Variants in PALM2AKAP2 observed in about 807,000 individuals in gnomAD.
PALM2AKAP2 encodes the protein PALM2 and AKAP2 fusion, also known as PALM2-AKAP2 fusion protein.
A neutral mutation model predicts 71.5 loss-of-function variants in PALM2AKAP2; 37 were observed. That is an observed-to-expected ratio of 0.52 (90% CI 0.40 to 0.68). The LOEUF is 0.68. PALM2AKAP2 is among the 30% of genes least tolerant of loss of function. The pLI is 0.00. For synonymous variants in PALM2AKAP2, 468 were observed against 478.8 expected (o/e 0.98, Z 0.29); for missense variants, 1,224 against 1,191.8 (o/e 1.03, Z -0.40).
In PALM2AKAP2 at chr9:109,843,518, A is replaced by AAT. The variant is rs372821901; in HGVS notation, c.46-23961_46-23960dup. Reference sequence around the variant, plus strand: ...GTATTACTTGTATTTATCATGTGTGAATATATATATATACACACATGGTAT... The same window carrying AAT: ...GTATTACTTGTATTTATCATGTGTGAATATATATATATATACACACATGGTAT... On this transcript the variant is annotated intron_variant, in intron 1 of 9. Transcript: ENST00000302798. 2.0e-3 allele frequency among the ~76,000 whole-genome samples: 306 copies of AAT among 151,620 alleles called. 3 individuals carry two copies. The highest frequency in any genetic ancestry group is 7.0e-3 in the African/African-American group (291 of 41,382).
At chr9:109,780,362 C>A, upstream of PALM2AKAP2, 1 of 1,578,796 alleles carries the variant, frequency 6.3e-7, no homozygotes, top group Non-Finnish European at 8.6e-7. Flanking sequence ...GGAGCGGATC[C>A]CCAGCCGTCC....
At chr9:109,772,052 G>C (rs540574047) in intron 1 of PALM2AKAP2, 1 of 152,476 alleles carries the variant, frequency 6.6e-6, no homozygotes, top group African/African-American at 2.4e-5. Flanking sequence ...GGGGAGGCCA[G>C]AGAGCTGCTG....
chr9:109,958,642 G>A (rs1323314618), intron 6 of PALM2AKAP2, among the ~76,000 whole-genome samples: 2 of 151,748 alleles, frequency 1.3e-5, no homozygotes, highest in African/African-American at 4.8e-5. Flanking sequence ...AGGAAGGAGG[G>A]ACAGAGAGAA....
chr9:109,878,652 T>C (rs1256461090), intron 2 of PALM2AKAP2, among the ~76,000 whole-genome samples: 1 of 149,608 alleles, frequency 6.7e-6, no homozygotes, highest in East Asian at 2.0e-4. Context: ...TGGAGCAGGG[T>C]GTCTACAGCA....
chr9:109,659,128 T>A (rs1173211385), intron 1 of PALM2AKAP2, among the ~76,000 whole-genome samples: 1 of 149,948 alleles, frequency 6.7e-6, no homozygotes, highest in East Asian at 1.9e-4. Context: ...ATGGTAAAAA[T>A]GCTATGTAAT....
intron 7 of PALM2AKAP2, among the ~76,000 whole-genome samples, chr9:110,036,008 C>A (rs1304358936): frequency 6.6e-6 from 1 of 151,940 alleles, no homozygotes; most frequent in African/African-American, 2.4e-5. Context: ...GTGGCGTGAT[C>A]TCAGCTCACT....
chr9:109,886,089 G>A (rs1318017308), intron 3 of PALM2AKAP2, among the ~76,000 whole-genome samples: 1 of 152,222 alleles, frequency 6.6e-6, no homozygotes, highest in Non-Finnish European at 1.5e-5. Context: ...GATTGGAATT[G>A]TTGAAAGCAA....
chr9:109,892,934 A>C (rs1343577488), intron 3 of PALM2AKAP2, among the ~76,000 whole-genome samples: 1 of 152,196 alleles, frequency 6.6e-6, no homozygotes, highest in African/African-American at 2.4e-5. Flanking sequence ...ACAATGTACA[A>C]TATATAAACA....
rs545448921 is a variant in PALM2AKAP2, at chr9:109,774,455, A to AT, written c.6-6028dup. Among the ~76,000 whole-genome samples the AT allele has an allele frequency of 9.9e-5, 15 of 152,276 alleles. No homozygotes were observed. In the East Asian group the frequency reaches 2.9e-3, roughly 29 times the overall value. ...TAGGATTTAATCTATCTCCTCTTAAATTTTTAAATTCCTTCTTATTTATAA... is the reference window on the plus strand; with the variant it reads ...TAGGATTTAATCTATCTCCTCTTAAATTTTTTAAATTCCTTCTTATTTATAA... On this transcript the variant is annotated intron_variant, in intron 1 of 6. Transcript: ENST00000374531.
intron 3 of PALM2AKAP2, among the ~76,000 whole-genome samples, chr9:109,894,589 C>T (rs1001189522): frequency 1.3e-5 from 2 of 152,140 alleles, no homozygotes; most frequent in Non-Finnish European, 2.9e-5. Flanking sequence ...ACCCATCTTA[C>T]TGAATAGGGT....
At chr9:110,110,542 CTTTTTTT>C (rs559402514) in intron 1 of PALM2AKAP2, among the ~76,000 whole-genome samples, 155 of 95,366 alleles carry the variant, frequency 1.6e-3, no homozygotes, top group African/African-American at 5.8e-3. Context: ...TTTCTGAACT[CTTTTTTT>C]TTTTTTTTTT....
chr9:109,896,473 A>G (rs1830206133), intron 3 of PALM2AKAP2, among the ~76,000 whole-genome samples: 1 of 152,118 alleles, frequency 6.6e-6, no homozygotes, highest in Non-Finnish European at 1.5e-5. Context: ...CTTAGATTCC[A>G]AGTGCGTCCT....
intron 6 of PALM2AKAP2, among the ~76,000 whole-genome samples, chr9:110,012,228 G>C (rs1832897732): frequency 6.6e-6 from 1 of 152,096 alleles, no homozygotes; most frequent in South Asian, 2.1e-4. Context: ...GAGAGGCGGA[G>C]GTTTCAGTGA....
In PALM2AKAP2 at chr9:110,035,491, T is replaced by C. The variant is rs970325511; in HGVS notation, c.582+19452T>C. ...TATATGATATGTTGTGTGTTATATA[T>C]AACATATATATGATATGTTGTGTGT... is the stretch of plus-strand genomic sequence containing the variant. On this transcript the variant is annotated intron_variant, in intron 7 of 9. Transcript: ENST00000302798. 1.2e-4 allele frequency among the ~76,000 whole-genome samples: 17 copies of C among 143,244 alleles called. 1 individual carries two copies. In the Admixed American group the frequency reaches 1.2e-3, roughly 10 times the overall value. 94.0% of individuals were successfully genotyped at this position (143,244 alleles called of 152,430 possible).
chr9:109,868,003 A>G (rs939680413), intron 2 of PALM2AKAP2, among the ~76,000 whole-genome samples: 2 of 152,166 alleles, frequency 1.3e-5, no homozygotes, highest in Non-Finnish European at 2.9e-5. Context: ...CTTTCTTGAT[A>G]TGGAGAAAAG....
intron 3 of PALM2AKAP2, among the ~76,000 whole-genome samples, chr9:109,921,110 C>T (rs902802862): frequency 4.6e-5 from 7 of 152,328 alleles, no homozygotes; most frequent in South Asian, 2.1e-4. Context: ...CTTTGCGTCT[C>T]GCCCACACAC....
chr9:110,033,256 A>G (rs1833319506), intron 7 of PALM2AKAP2, among the ~76,000 whole-genome samples: 1 of 152,260 alleles, frequency 6.6e-6, no homozygotes, highest in Middle Eastern at 3.2e-3. Flanking sequence ...ATGGTATTGC[A>G]AAAGACACAG....
chr9:109,979,780 T>C (rs1832236738), intron 6 of PALM2AKAP2, among the ~76,000 whole-genome samples: 1 of 152,210 alleles, frequency 6.6e-6, no homozygotes, highest in Admixed American at 6.5e-5. Context: ...TGGTGAATGA[T>C]AATTAAGAGC....
intron 1 of PALM2AKAP2, among the ~76,000 whole-genome samples, chr9:109,659,404 C>T (rs1192619967): frequency 1.3e-5 from 2 of 148,850 alleles, no homozygotes; most frequent in South Asian, 2.2e-4. Context: ...TACTCCCTTA[C>T]CCACCCCCTC....
Sources: gnomAD v4.1 joint callset for allele counts (sites outside exome capture counted in the v4.1 genomes callset) on GRCh38, gnomAD v4.1.1 for gene constraint, MANE v1.5 for transcripts, NCBI Gene and HGNC (gene_info 2026-07-23, HGNC 2026-07-21) for gene names.